Variants in SUPT3H observed in about 807,000 individuals in gnomAD.
SUPT3H encodes SPT3 homolog, SAGA and STAGA complex component.
A neutral mutation model predicts 44.3 loss-of-function variants in SUPT3H; 44 were observed. That is an observed-to-expected ratio of 0.99 (90% CI 0.78 to 1.28). The LOEUF (loss-of-function observed/expected upper bound fraction) is 1.28. SUPT3H is among the 50% of genes most tolerant of loss of function. SUPT3H has a pLI of 0.00. For missense variants in SUPT3H, 380 were observed against 387.1 expected, an observed-to-expected ratio of 0.98 and a Z score of 0.15; for synonymous variants, 124 against 125.6, an observed-to-expected ratio of 0.99 and a Z score of 0.09.
At chr6:45,191,138 T>C (rs1291155556) in intron 2 of SUPT3H, among the ~76,000 whole-genome samples, 1 of 152,088 alleles carries the variant, frequency 6.6e-6, no homozygotes, top group African/African-American at 2.4e-5. Context: ...GTGGCTTTAT[T>C]TATAATTGCC....
At chr6:44,976,813 C>G (rs1778405153) in intron 6 of SUPT3H, among the ~76,000 whole-genome samples, 1 of 152,122 alleles carries the variant, frequency 6.6e-6, no homozygotes, top group Non-Finnish European at 1.5e-5. Flanking sequence ...CTTGGCTATA[C>G]TTAGATTCAG....
chr6:45,308,687 CAT>C (rs1783482659), intron 2 of SUPT3H, among the ~76,000 whole-genome samples: 1 of 148,964 alleles, frequency 6.7e-6, no homozygotes, highest in Non-Finnish European at 1.5e-5. Flanking sequence ...CACATGTAAA[CAT>C]ATGTAAGAAA....
chr6:45,102,143 C>G (rs532048490), intron 3 of SUPT3H, among the ~76,000 whole-genome samples: 1 of 152,064 alleles, frequency 6.6e-6, no homozygotes, highest in African/African-American at 2.4e-5. Flanking sequence ...GTAATTTCAA[C>G]AAAAAATTTA....
chr6:45,130,723 T>TG (rs1337745285), intron 2 of SUPT3H, among the ~76,000 whole-genome samples: 2 of 141,336 alleles, frequency 1.4e-5, no homozygotes, highest in Admixed American at 1.4e-4. Flanking sequence ...TTTTTTTTTT[T>TG]TTTTTTTTTT....
Position 45,059,205 on chromosome 6 carries a change from C to T in SUPT3H, c.187-38573G>A, listed in dbSNP as rs149003799. On this transcript the variant is annotated intron_variant, in intron 3 of 10. Coordinates refer to ENST00000371459, the MANE Select transcript of SUPT3H (RefSeq NM_003599.4). ...AATCCTCAATAAAGTACTGGCAAAT[C>T]GAATCCAAAAGCACATCAAAAAGCT... is the stretch of plus-strand genomic sequence containing the variant. 5.3e-3 allele frequency among the ~76,000 whole-genome samples: 809 copies of T among 152,110 alleles called. 9 individuals are homozygous for T. The highest frequency in any genetic ancestry group is 0.018 in the African/African-American group (753 of 41,498).
At chr6:44,870,427 T>A (rs1177261469) in intron 10 of SUPT3H, among the ~76,000 whole-genome samples, 2 of 151,730 alleles carry the variant, frequency 1.3e-5, no homozygotes, top group South Asian at 2.1e-4. Context: ...TGAAACTCCA[T>A]CTCTACGAAA....
intron 10 of SUPT3H, among the ~76,000 whole-genome samples, chr6:44,900,382 G>A (rs544681277): frequency 6.6e-6 from 1 of 152,310 alleles, no homozygotes; most frequent in South Asian, 2.1e-4. Context: ...TATATTCTGC[G>A]CCTGGCTCGG....
chr6:45,205,374 A>G (rs930984761), intron 2 of SUPT3H, among the ~76,000 whole-genome samples: 2 of 152,160 alleles, frequency 1.3e-5, no homozygotes, highest in African/African-American at 4.8e-5. Context: ...CACATTTTCT[A>G]TAGTTTCCAC....
intron 2 of SUPT3H, among the ~76,000 whole-genome samples, chr6:45,157,068 G>A (rs1807949398): frequency 6.6e-6 from 1 of 151,836 alleles, no homozygotes; most frequent in Non-Finnish European, 1.5e-5. Flanking sequence ...CAATCATCTG[G>A]CAAAAATATT....
intron 10 of SUPT3H, among the ~76,000 whole-genome samples, chr6:44,860,472 T>C (rs1774472263): frequency 6.6e-6 from 1 of 152,198 alleles, no homozygotes; most frequent in Non-Finnish European, 1.5e-5. Flanking sequence ...ACCTTCTCAT[T>C]GTACAGTTGA....
At chr6:45,328,689 G>A in intron 2 of SUPT3H, 7 of 1,611,752 alleles carry the variant, frequency 4.3e-6, no homozygotes, top group Non-Finnish European at 5.9e-6. Flanking sequence ...ATTTACAACA[G>A]AGGGTACAAG....
intron 2 of SUPT3H, among the ~76,000 whole-genome samples, chr6:45,229,633 A>G (rs1325774444): frequency 7.2e-5 from 11 of 152,172 alleles, no homozygotes; most frequent in African/African-American, 2.4e-4. Context: ...AGAACACATT[A>G]AAGACTAAGT....
chr6:44,955,802 A>ACT lies in SUPT3H; in HGVS notation c.581-1196_581-1195insAG. 7.2e-5 allele frequency among the ~76,000 whole-genome samples: 11 copies of ACT among 152,242 alleles called. No individual in the cohort carries two copies. The South Asian group carries it at 2.3e-3, about 32-fold the overall frequency. ...TACACACTGCTCGGGTGATGGGTGC[A>ACT]CCAAAACCTCAGAAATTGCTACTAA... On this transcript the variant is annotated intron_variant, in intron 7 of 10. Coordinates refer to ENST00000371459, the MANE Select transcript of SUPT3H (RefSeq NM_003599.4).
At chr6:45,175,107 A>G (rs1390236314) in intron 2 of SUPT3H, among the ~76,000 whole-genome samples, 3 of 151,844 alleles carry the variant, frequency 2.0e-5, no homozygotes, top group Non-Finnish European at 4.4e-5. Flanking sequence ...ATTTACTTAC[A>G]TAGAACTTCC....
intron 2 of SUPT3H, among the ~76,000 whole-genome samples, chr6:45,323,853 G>A (rs1412799891): frequency 6.6e-6 from 1 of 152,002 alleles, no homozygotes; most frequent in Non-Finnish European, 1.5e-5. Flanking sequence ...ATACTATAAT[G>A]TCCTACAGTT....
At chr6:45,274,929 T>A (rs1264198971) in intron 2 of SUPT3H, among the ~76,000 whole-genome samples, 2 of 152,164 alleles carry the variant, frequency 1.3e-5, no homozygotes, top group African/African-American at 2.4e-5. Context: ...TTTGTATGTA[T>A]CTATTGAGTT....
At chr6:44,857,958 T>G (rs1774014825) in intron 10 of SUPT3H, among the ~76,000 whole-genome samples, 1 of 152,202 alleles carries the variant, frequency 6.6e-6, no homozygotes, top group Admixed American at 6.5e-5. Flanking sequence ...TTTATATTCA[T>G]GCTGATGAGT....
At chr6:45,125,741 T>C (rs1802336608) in intron 2 of SUPT3H, among the ~76,000 whole-genome samples, 1 of 152,072 alleles carries the variant, frequency 6.6e-6, no homozygotes, top group South Asian at 2.1e-4. Flanking sequence ...CTAGCAGTGA[T>C]TTATTTTTCA....
intron 2 of SUPT3H, among the ~76,000 whole-genome samples, chr6:45,238,340 G>C (rs1769599653): frequency 6.6e-6 from 1 of 152,158 alleles, no homozygotes; most frequent in Admixed American, 6.5e-5. Context: ...GCCACAGAAA[G>C]TAACCATATG....
Sources: gnomAD v4.1 joint callset for allele counts (sites outside exome capture counted in the v4.1 genomes callset) on GRCh38, gnomAD v4.1.1 for gene constraint, MANE v1.5 for transcripts, NCBI Gene and HGNC (gene_info 2026-07-23, HGNC 2026-07-21) for gene names.